ACYP2: variants seen among roughly 807,000 people sequenced by gnomAD.
ACYP2 encodes acylphosphatase-2.
In ACYP2, 12 loss-of-function variants were observed where a neutral mutation model predicts 11.2. The ratio of observed to expected loss-of-function variants is 1.08; its 90% CI spans 0.69 to 1.74. ACYP2 has a LOEUF of 1.74. Ranked by LOEUF, ACYP2 falls within the 40% of genes most tolerant of loss-of-function variation. ACYP2 has a pLI of 0.00. For synonymous variants in ACYP2, 43 were observed against 32.2 expected, an observed-to-expected ratio of 1.33 and a Z score of -1.13; for missense variants, 134 against 101.9, an observed-to-expected ratio of 1.31 and a Z score of -1.35.
chr2:54,173,547 GA>G (rs1253606197), intron 6 of ACYP2, among the ~76,000 whole-genome samples: 2 of 152,168 alleles, frequency 1.3e-5, no homozygotes, highest in Non-Finnish European at 2.9e-5. Context: ...AGTTTAATTA[GA>G]TCCCATTTGT....
chr2:54,245,525 G>C, intron 6 of ACYP2, among the ~76,000 whole-genome samples: 1 of 151,906 alleles, frequency 6.6e-6, no homozygotes, highest in East Asian at 1.9e-4. Context: ...TCTCTGCATC[G>C]TTGTTTTTTG....
intron 6 of ACYP2, among the ~76,000 whole-genome samples, chr2:54,303,695 A>C (rs1205789342): frequency 6.6e-6 from 1 of 152,256 alleles, no homozygotes; most frequent in Admixed American, 6.5e-5. Flanking sequence ...AAATATTTTA[A>C]ATCTAAAGTT....
At chr2:54,071,880 G>A (rs112920260) in intron 4 of ACYP2, among the ~76,000 whole-genome samples, 2,489 of 152,092 alleles carry the variant, frequency 0.016, 76 homozygotes, top group African/African-American at 0.057. Context: ...GCATGGTGGC[G>A]CGCACCTGTA....
rs752029362 is a variant in ACYP2 at position 54,138,721 on chromosome 2, A to G, written c.377A>G (p.Gln126Arg). The stretch of plus-strand genomic sequence containing the variant: ...AAAGGCACCGTGACAGGCCAAGTGC[A>G]GGGGCCAGAAGACAAAGTCAATTCC... Residue 126 changes from glutamine (Q) to arginine (R), a missense_variant, in exon 6 of 7, where the codon CAG (glutamine) becomes CGG (arginine). Physicochemically the swap from Gln to Arg is conservative, Grantham distance 43 (BLOSUM62 1). Transcript: ENST00000607452. 2 of 1,613,982 alleles carry G rather than the reference A, an allele frequency of 1.2e-6. No homozygotes were observed. Among genetic ancestry groups the G allele is most frequent in the East Asian group, 2.2e-5 (1 of 44,888 alleles).
At chr2:54,248,413 T>A (rs1687060117) in intron 6 of ACYP2, among the ~76,000 whole-genome samples, 1 of 152,184 alleles carries the variant, frequency 6.6e-6, no homozygotes, top group Non-Finnish European at 1.5e-5. Context: ...TTTGATTTAC[T>A]TAAAGGGTCC....
chr2:54,262,427 G>C (rs1166673806), intron 6 of ACYP2, among the ~76,000 whole-genome samples: 1 of 152,168 alleles, frequency 6.6e-6, no homozygotes. Flanking sequence ...TAATATCTAA[G>C]TGTTAGACAT....
At chr2:54,174,513 T>G (rs1182980190) in intron 6 of ACYP2, among the ~76,000 whole-genome samples, 1 of 152,184 alleles carries the variant, frequency 6.6e-6, no homozygotes, top group Admixed American at 6.5e-5. Flanking sequence ...GGATACCCTT[T>G]ATTTCTTTTT....
intron 2 of ACYP2, among the ~76,000 whole-genome samples, chr2:53,991,281 A>G (rs1401327408): frequency 6.6e-6 from 1 of 152,156 alleles, no homozygotes; most frequent in East Asian, 1.9e-4. Context: ...GGTTGTTCCC[A>G]GTTTCTGGGT....
chr2:53,978,803 G>C (rs141428946), intron 2 of ACYP2, among the ~76,000 whole-genome samples: 1 of 152,280 alleles, frequency 6.6e-6, no homozygotes, highest in Non-Finnish European at 1.5e-5. Flanking sequence ...CATTCCTGTG[G>C]TCCCAGCTAC....
chr2:54,016,564 G>C (rs548239306), intron 2 of ACYP2, among the ~76,000 whole-genome samples: 17 of 152,192 alleles, frequency 1.1e-4, no homozygotes, highest in Non-Finnish European at 1.6e-4. Context: ...TTTTATATAA[G>C]TGAGTGTTCT....
intron 6 of ACYP2, among the ~76,000 whole-genome samples, chr2:54,236,322 C>T (rs966528864): frequency 6.6e-6 from 1 of 152,088 alleles, no homozygotes; most frequent in African/African-American, 2.4e-5. Context: ...TTTTCTTCTT[C>T]TCTAATATAT....
chr2:54,044,010 A>C (rs1011322913), intron 2 of ACYP2, among the ~76,000 whole-genome samples: 1 of 152,174 alleles, frequency 6.6e-6, no homozygotes, highest in Non-Finnish European at 1.5e-5. Flanking sequence ...GAGCAAGGGA[A>C]AGGAGAGTTC....
At chr2:54,077,400 A>T (rs1677402343) in intron 4 of ACYP2, among the ~76,000 whole-genome samples, 2 of 152,222 alleles carry the variant, frequency 1.3e-5, no homozygotes, top group Non-Finnish European at 2.9e-5. Context: ...CTCTCTGCCT[A>T]GCATATATAG....
intron 2 of ACYP2, among the ~76,000 whole-genome samples, chr2:54,027,317 A>G (rs910541819): frequency 2.0e-5 from 3 of 151,998 alleles, no homozygotes; most frequent in African/African-American, 7.3e-5. Context: ...TTGGAGGGTC[A>G]CTCTCTGGCC....
intron 4 of ACYP2, among the ~76,000 whole-genome samples, chr2:54,122,895 CAAAG>C (rs1258736152): frequency 3.3e-5 from 5 of 152,252 alleles, no homozygotes; most frequent in Middle Eastern, 3.4e-3. Flanking sequence ...ACTGTCAAGA[CAAAG>C]AGTAAAGCGG....
At chr2:54,293,296 G>A (rs762370003) in intron 6 of ACYP2, among the ~76,000 whole-genome samples, 69 of 152,342 alleles carry the variant, frequency 4.5e-4, no homozygotes, top group Non-Finnish European at 5.6e-4. Flanking sequence ...TCTGTCACTA[G>A]ATATGTGTTG....
chr2:54,260,646 G>C (rs73934424), intron 6 of ACYP2, among the ~76,000 whole-genome samples: 336 of 152,222 alleles, frequency 2.2e-3, no homozygotes, highest in African/African-American at 7.9e-3. Flanking sequence ...CGAGTCCTAG[G>C]GAGAATAAGC....
chr2:54,227,646 T>C (rs1686065636), intron 6 of ACYP2, among the ~76,000 whole-genome samples: 1 of 152,042 alleles, frequency 6.6e-6, no homozygotes, highest in Non-Finnish European at 1.5e-5. Context: ...ATATGCACAC[T>C]AATTCTGGCT....
chr2:54,032,093 G>C (rs983790425), intron 2 of ACYP2, among the ~76,000 whole-genome samples: 2 of 152,090 alleles, frequency 1.3e-5, no homozygotes, highest in Non-Finnish European at 2.9e-5. Flanking sequence ...TCACTCTGAT[G>C]GTATTTTCTT....
Sources: gnomAD v4.1 joint callset for allele counts (sites outside exome capture counted in the v4.1 genomes callset) on GRCh38, gnomAD v4.1.1 for gene constraint, MANE v1.5 for transcripts, NCBI Gene and HGNC (gene_info 2026-07-23, HGNC 2026-07-21) for gene names.